Variants in PTPRD observed in about 807,000 individuals in gnomAD.
PTPRD encodes the protein receptor-type tyrosine-protein phosphatase delta.
A neutral mutation model predicts 214.5 loss-of-function variants in PTPRD; 34 were observed. The ratio of observed to expected loss-of-function variants is 0.16; its 90% CI spans 0.12 to 0.21. The LOEUF (loss-of-function observed/expected upper bound fraction) is 0.21. Ranked by LOEUF, PTPRD falls within the 10% of genes least tolerant of loss-of-function variation. PTPRD has a pLI of 1.00. For synonymous variants in PTPRD, 1,128 were observed against 845.7 expected (o/e 1.33, Z -5.79); for missense variants, 2,545 against 2,398.7 (o/e 1.06, Z -1.27).
chr9:9,764,657 T>C (rs2154478177), intron 6 of PTPRD, among the ~76,000 whole-genome samples: 1 of 152,264 alleles, frequency 6.6e-6, no homozygotes, highest in African/African-American at 2.4e-5. Flanking sequence ...TAAGAAACAC[T>C]TTAGGCTAAT....
intron 12 of PTPRD, among the ~76,000 whole-genome samples, chr9:8,653,794 T>C (rs1565013876): frequency 6.6e-6 from 1 of 152,198 alleles, no homozygotes; most frequent in Non-Finnish European, 1.5e-5. Context: ...TCACATCCTA[T>C]TCACTGTATA....
intron 3 of PTPRD, among the ~76,000 whole-genome samples, chr9:10,154,606 T>G (rs1273311301): frequency 1.3e-5 from 2 of 152,152 alleles, no homozygotes; most frequent in African/African-American, 4.8e-5. Context: ...GTTTTACATT[T>G]AAATTTTTAA....
At chr9:8,910,543 A>T (rs1412991928) in intron 11 of PTPRD, among the ~76,000 whole-genome samples, 1 of 152,090 alleles carries the variant, frequency 6.6e-6, no homozygotes, top group African/African-American at 2.4e-5. Context: ...GCCCCTCACC[A>T]TGTGATACCC....
intron 6 of PTPRD, among the ~76,000 whole-genome samples, chr9:9,740,429 C>A (rs1246321256): frequency 6.6e-6 from 1 of 151,064 alleles, no homozygotes; most frequent in Non-Finnish European, 1.5e-5. Flanking sequence ...GTAATCTGGG[C>A]TCACTGCAAG....
chr9:9,359,442 C>T (rs918866534), intron 9 of PTPRD, among the ~76,000 whole-genome samples: 1 of 151,246 alleles, frequency 6.6e-6, no homozygotes, highest in Non-Finnish European at 1.5e-5. Context: ...CTAACAATCT[C>T]TCTCTTTTCA....
intron 5 of PTPRD, among the ~76,000 whole-genome samples, chr9:9,811,963 T>A (rs886281203): frequency 2.0e-5 from 3 of 152,144 alleles, no homozygotes; most frequent in Non-Finnish European, 4.4e-5. Context: ...TTTACTGTTA[T>A]CTTAAAAAAA....
chr9:9,297,647 A>G (rs1953600880), intron 9 of PTPRD, among the ~76,000 whole-genome samples: 1 of 151,710 alleles, frequency 6.6e-6, no homozygotes, highest in Non-Finnish European at 1.5e-5. Flanking sequence ...ACTAACTGTA[A>G]ACCACTAGAA....
intron 3 of PTPRD, among the ~76,000 whole-genome samples, chr9:10,066,739 C>T (rs1438330111): frequency 6.6e-6 from 1 of 151,942 alleles, no homozygotes; most frequent in Non-Finnish European, 1.5e-5. Flanking sequence ...CTCTTTGACA[C>T]TTTCACTAAA....
chr9:8,450,666 T>C (rs1384642042), intron 33 of PTPRD, among the ~76,000 whole-genome samples: 1 of 152,218 alleles, frequency 6.6e-6, no homozygotes, highest in Non-Finnish European at 1.5e-5. Context: ...CTTTATTAGA[T>C]ATCCCCATTT....
chr9:9,780,232 A>G (rs539896715), intron 5 of PTPRD, among the ~76,000 whole-genome samples: 1 of 152,258 alleles, frequency 6.6e-6, no homozygotes, highest in Non-Finnish European at 1.5e-5. Context: ...TAAACATGAG[A>G]ACAATAGACA....
At chr9:10,401,235 A>G (rs2098264647) in intron 2 of PTPRD, among the ~76,000 whole-genome samples, 1 of 151,638 alleles carries the variant, frequency 6.6e-6, no homozygotes, top group Admixed American at 6.6e-5. Flanking sequence ...CAATTGTGCT[A>G]CTTTATTTTA....
chr9:10,140,273 G>A (rs2098974540), intron 3 of PTPRD, among the ~76,000 whole-genome samples: 1 of 151,362 alleles, frequency 6.6e-6, no homozygotes, highest in South Asian at 2.1e-4. Context: ...GTGGAGAAAG[G>A]ACATGGACAG....
At position 10,032,688 on chromosome 9, in the gene PTPRD, C is replaced by G. The variant is rs532949693; in HGVS notation, c.-472+1030G>C. On this transcript the variant is annotated intron_variant, in intron 4 of 45. Coordinates refer to ENST00000381196, the MANE Select transcript of PTPRD (RefSeq NM_002839.4). ...CTTAGAATTAGTATTTTTGAAGAAT[C>G]ATTTAGTGTCAAATAGAACTTCTGG... is the stretch of plus-strand genomic sequence containing the variant. Among the ~76,000 whole-genome samples, 17 of 152,174 alleles carry G rather than the reference C, an allele frequency of 1.1e-4. No individual in the cohort carries two copies. In the South Asian group the frequency reaches 1.9e-3, roughly 17 times the overall value.
chr9:9,085,754 GC>G (rs1374044212), intron 10 of PTPRD, among the ~76,000 whole-genome samples: 1 of 151,292 alleles, frequency 6.6e-6, no homozygotes, highest in African/African-American at 2.4e-5. Flanking sequence ...CTTTCACATT[GC>G]CATAAGATAT....
In PTPRD at chr9:8,331,547, A is replaced by G. The variant is rs778422857; in HGVS notation, c.5534+35T>C. 5.4e-6 allele frequency: 8 copies of G among 1,491,616 alleles called. 1 individual carries two copies. In the South Asian group the frequency reaches 9.9e-5, roughly 18 times the overall value. The allele number at this position is 1,491,616 out of a possible 1,614,324, so 92.4% of individuals were successfully genotyped here. On this transcript the variant is annotated intron_variant, in intron 44 of 45. Coordinates refer to ENST00000381196, the MANE Select transcript of PTPRD (RefSeq NM_002839.4). ...ATACAGACAATGAAGAAACACCACCACTTATCACTGCTTTATTCACAAATG... is the reference window on the plus strand; with the variant it reads ...ATACAGACAATGAAGAAACACCACCGCTTATCACTGCTTTATTCACAAATG...
intron 10 of PTPRD, among the ~76,000 whole-genome samples, chr9:9,161,133 G>A (rs1045387594): frequency 6.6e-6 from 1 of 152,076 alleles, no homozygotes; most frequent in South Asian, 2.1e-4. Flanking sequence ...TCTATTGCAC[G>A]GCAGGGTGAC....
chr9:10,293,362 C>T (rs529230456), intron 3 of PTPRD, among the ~76,000 whole-genome samples: 1 of 152,000 alleles, frequency 6.6e-6, no homozygotes, highest in South Asian at 2.1e-4. Context: ...AAAACAGACA[C>T]ACACATTAGA....
chr9:9,545,137 T>C (rs1006746557), intron 8 of PTPRD, among the ~76,000 whole-genome samples: 2 of 151,766 alleles, frequency 1.3e-5, no homozygotes, highest in African/African-American at 4.8e-5. Flanking sequence ...GAACCTATGT[T>C]AACATCATTA....
At chr9:10,124,520 A>C (rs148617471) in intron 3 of PTPRD, among the ~76,000 whole-genome samples, 1 of 152,134 alleles carries the variant, frequency 6.6e-6, no homozygotes, top group East Asian at 1.9e-4. Flanking sequence ...AGGATTTTGA[A>C]TATTTATCCG....
Sources: allele counts gnomAD v4.1 joint callset (sites outside exome capture counted in the v4.1 genomes callset), GRCh38; gene constraint gnomAD v4.1.1; transcripts MANE v1.5; gene names NCBI Gene and HGNC (gene_info 2026-07-23, HGNC 2026-07-21).